The following PPP2R2C variants were observed in gnomAD, a reference collection of about 807,000 sequenced individuals.
PPP2R2C encodes the protein protein phosphatase 2 regulatory subunit Bgamma, also known as protein phosphatase 2, regulatory subunit B, gamma.
Under a neutral mutation model 45.3 loss-of-function variants are expected in PPP2R2C, and 10 were observed. That is an observed-to-expected ratio of 0.22 (90% confidence interval 0.14 to 0.37). The LOEUF (loss-of-function observed/expected upper bound fraction) is 0.37. Among genes scored for constraint, PPP2R2C ranks in the 10% least tolerant of loss-of-function variants. PPP2R2C has a pLI of 1.00. For synonymous variants in PPP2R2C, 257 were observed against 245.4 expected (o/e 1.05, Z -0.44); for missense variants, 308 against 619.7 (o/e 0.50, Z 5.34).
At chr4:6,352,925 T>C (rs184043814) in intron 5 of PPP2R2C, among the ~76,000 whole-genome samples, 8 of 152,196 alleles carry the variant, frequency 5.3e-5, no homozygotes, top group African/African-American at 9.6e-5. Flanking sequence ...ACAAGTGACA[T>C]TCTAAGAGAC....
At chr4:6,454,234 A>G (rs7675723) in intron 1 of PPP2R2C, among the ~76,000 whole-genome samples, 149,728 of 152,198 alleles carry the variant, frequency 0.98, 73,697 homozygotes, top group Middle Eastern at 1. Context: ...GCCAGAGCAC[A>G]GTCTCCTATC....
chr4:6,513,283 T>C (rs1723727182), intron 2 of PPP2R2C, among the ~76,000 whole-genome samples: 1 of 152,180 alleles, frequency 6.6e-6, no homozygotes. Context: ...GTTTAACAAA[T>C]AGGCCCTGGA....
intron 1 of PPP2R2C, among the ~76,000 whole-genome samples, chr4:6,465,395 G>A (rs555935830): frequency 1.1e-4 from 16 of 152,264 alleles, no homozygotes; most frequent in African/African-American, 3.6e-4. Context: ...CTGCCCAATG[G>A]ATGGCAGGCT....
chr4:6,460,413 G>C (rs879588323), intron 1 of PPP2R2C, among the ~76,000 whole-genome samples: 4 of 152,108 alleles, frequency 2.6e-5, no homozygotes, highest in Non-Finnish European at 5.9e-5. Flanking sequence ...CCTTGATCTT[G>C]GACTCCCAAG....
At chr4:6,456,936 G>A (rs980257538) in intron 1 of PPP2R2C, among the ~76,000 whole-genome samples, 5 of 152,148 alleles carry the variant, frequency 3.3e-5, no homozygotes, top group Admixed American at 6.5e-5. Flanking sequence ...AGCCAGGTGC[G>A]GTGGCTTGCG....
intron 1 of PPP2R2C, chr4:6,382,091 T>G: frequency 1.5e-6 from 2 of 1,354,544 alleles, no homozygotes; most frequent in Non-Finnish European, 1.9e-6. Flanking sequence ...CCCAAAATGA[T>G]TATTACTTTT....
chr4:6,457,180 C>T (rs1398250418), intron 1 of PPP2R2C, among the ~76,000 whole-genome samples: 1 of 133,056 alleles, frequency 7.5e-6, no homozygotes, highest in South Asian at 2.4e-4. Context: ...TGTACCCCGA[C>T]CTGGGCGACA....
chr4:6,392,671 G>A (rs982568802), intron 1 of PPP2R2C, among the ~76,000 whole-genome samples: 1 of 152,216 alleles, frequency 6.6e-6, no homozygotes, highest in Non-Finnish European at 1.5e-5. Context: ...AGAGAGGTGG[G>A]CTGGGCCGGG....
intron 2 of PPP2R2C, among the ~76,000 whole-genome samples, chr4:6,500,528 T>C (rs1218767721): frequency 1.3e-5 from 2 of 152,200 alleles, no homozygotes; most frequent in Admixed American, 1.3e-4. Context: ...CTCCAAGCTG[T>C]CGGCCTTGGA....
chr4:6,423,337 G>A (rs759536694), intron 1 of PPP2R2C, among the ~76,000 whole-genome samples: 1 of 152,174 alleles, frequency 6.6e-6, no homozygotes, highest in Non-Finnish European at 1.5e-5. Context: ...CCAAGTAGCT[G>A]GGACTACAGG....
intron 1 of PPP2R2C, among the ~76,000 whole-genome samples, chr4:6,442,692 G>A (rs1366090638): frequency 6.6e-6 from 1 of 152,218 alleles, no homozygotes; most frequent in African/African-American, 2.4e-5. Flanking sequence ...CCCCTAGGGT[G>A]TGGGGTACAG....
chr4:6,510,246 A>G, intron 2 of PPP2R2C, among the ~76,000 whole-genome samples: 1 of 101,458 alleles, frequency 9.9e-6, no homozygotes, highest in South Asian at 3.3e-4. Context: ...CACCACCCCC[A>G]CCCCTGCTCA....
chr4:6,347,331 C>T (rs1381541996), intron 6 of PPP2R2C, among the ~76,000 whole-genome samples: 10 of 152,090 alleles, frequency 6.6e-5, no homozygotes, highest in African/African-American at 2.2e-4. Context: ...CAGACCTCCA[C>T]GGATACCCCT....
At chr4:6,410,318 C>T (rs1718079029) in intron 1 of PPP2R2C, among the ~76,000 whole-genome samples, 1 of 152,178 alleles carries the variant, frequency 6.6e-6, no homozygotes, top group African/African-American at 2.4e-5. Flanking sequence ...ATTTAATTAG[C>T]CCTCTGTTCC....
At chr4:6,510,594 GCACGCACA>G (rs1226682805) in intron 2 of PPP2R2C, among the ~76,000 whole-genome samples, 2 of 152,006 alleles carry the variant, frequency 1.3e-5, no homozygotes, top group Non-Finnish European at 2.9e-5. Context: ...ACATACACAC[GCACGCACA>G]CACGCACACC....
intron 2 of PPP2R2C, among the ~76,000 whole-genome samples, chr4:6,485,653 C>T (rs1722505871): frequency 6.6e-6 from 1 of 151,750 alleles, no homozygotes; most frequent in African/African-American, 2.4e-5. Context: ...AATTTATTAG[C>T]AAAAAGTTGT....
intron 5 of PPP2R2C, among the ~76,000 whole-genome samples, chr4:6,372,180 C>T (rs887840562): frequency 9.9e-5 from 15 of 152,214 alleles, no homozygotes; most frequent in South Asian, 2.1e-4. Context: ...CTTCAGTGGA[C>T]GCTGAGCAAG....
rs1250938754 is a variant in PPP2R2C, at chr4:6,345,870, C to T, written c.790+1976G>A. Reference sequence around the variant, plus strand: ...TCCCATCAGTCCACGGCCACTAACTCCACACTTATCTCCAGGTGGCATTAC... The same window carrying T: ...TCCCATCAGTCCACGGCCACTAACTTCACACTTATCTCCAGGTGGCATTAC... On this transcript the variant is annotated intron_variant, in intron 6 of 8. Coordinates refer to ENST00000382599, the MANE Select transcript of PPP2R2C (RefSeq NM_020416.4). The surrounding 1 kb of genome is among the most constrained non-coding windows in gnomAD (Gnocchi z 5.3). Among the ~76,000 whole-genome samples, 1 of 152,156 alleles carries T rather than the reference C, an allele frequency of 6.6e-6. No individual in the cohort carries two copies. The highest frequency in any genetic ancestry group is 1.5e-5 in the Non-Finnish European group (1 of 68,026).
At chr4:6,540,984 A>T (rs62286156) in intron 1 of PPP2R2C, among the ~76,000 whole-genome samples, 28,361 of 152,210 alleles carry the variant, frequency 0.19, 2,796 homozygotes, top group Non-Finnish European at 0.23. Context: ...TTCTCCATCC[A>T]TAGCATATGG....
Sources: allele counts gnomAD v4.1 joint callset (sites outside exome capture counted in the v4.1 genomes callset), GRCh38; gene constraint gnomAD v4.1.1; non-coding constraint Gnocchi (gnomAD v3.1); transcripts MANE v1.5; gene names NCBI Gene and HGNC (gene_info 2026-07-23, HGNC 2026-07-21).